CFAP221: variants seen among roughly 807,000 people sequenced by gnomAD.
CFAP221 encodes cilia and flagella associated protein 221, also known as cilia- and flagella-associated protein 221.
A neutral mutation model predicts 113.1 loss-of-function variants in CFAP221; 97 were observed. The ratio of observed to expected loss-of-function variants is 0.86; its 90% CI spans 0.73 to 1.02. The LOEUF is 1.02. Ranked by LOEUF, CFAP221 falls within the 50% of genes least tolerant of loss-of-function variation. The pLI is 0.00. For missense variants in CFAP221, 1,025 were observed against 1,013.4 expected (o/e 1.01, Z -0.16); for synonymous variants, 331 against 354.4 (o/e 0.93, Z 0.74).
chr2:119,556,334 G>T (rs1266265584), intron 3 of CFAP221: 1 of 152,136 alleles, frequency 6.6e-6, no homozygotes, highest in South Asian at 2.1e-4. Flanking sequence ...TTTTCTTCCT[G>T]TTTCTGAGCT....
At chr2:119,557,796 C>T (rs1037660265) in intron 3 of CFAP221, among the ~76,000 whole-genome samples, 3 of 151,906 alleles carry the variant, frequency 2.0e-5, no homozygotes, top group South Asian at 2.1e-4. Context: ...GTCAGGAGTT[C>T]GAGACCAGCC....
At chr2:119,583,839 A>T (rs1683018611) in intron 6 of CFAP221, among the ~76,000 whole-genome samples, 1 of 152,222 alleles carries the variant, frequency 6.6e-6, no homozygotes. Flanking sequence ...TTATGCGAAG[A>T]CACAGTGAAA....
chr2:119,629,839 G>A, intron 16 of CFAP221, 36 bp from the exon 17 acceptor site: 4 of 1,506,882 alleles, frequency 2.7e-6, no homozygotes, highest in Non-Finnish European at 3.7e-6. Context: ...TTGCTCAGTG[G>A]TGATTGTTCT....
At chr2:119,561,471 A>G (rs1321994193) in intron 5 of CFAP221, among the ~76,000 whole-genome samples, 2 of 152,192 alleles carry the variant, frequency 1.3e-5, no homozygotes, top group Non-Finnish European at 2.9e-5. Context: ...TGACATTTTA[A>G]TGCCATCATC....
At position 119,549,266 on chromosome 2, in the gene CFAP221, A is replaced by G. The variant is rs1680262120; in HGVS notation, c.240+81A>G. The G allele has an allele frequency of 2.7e-6, 3 of 1,125,030 alleles. No homozygotes were observed. The Admixed American group carries it at 7.4e-5, about 28-fold the overall frequency. 69.7% of individuals were successfully genotyped at this position (1,125,030 alleles called of 1,614,324 possible). On this transcript the variant is annotated intron_variant, in intron 3 of 23. Coordinates refer to ENST00000413369, the MANE Select transcript of CFAP221 (RefSeq NM_001271049.2). ...CTGAATTTATATTATTCACTTATCT[A>G]AAGCACAGCATAATCAGCCGTAGTG...
chr2:119,599,015 G>A (rs1214658955), intron 7 of CFAP221, among the ~76,000 whole-genome samples: 1 of 152,134 alleles, frequency 6.6e-6, no homozygotes, highest in Non-Finnish European at 1.5e-5. Context: ...TCAAAGTATT[G>A]AAGCCCCACA....
In CFAP221 at chr2:119,646,929, C is replaced by T. The variant is rs370978468; in HGVS notation, c.2226-29C>T. 24 of 1,581,176 alleles carry T rather than the reference C, an allele frequency of 1.5e-5. No homozygotes were observed. The South Asian group carries it at 2.6e-4, about 17-fold the overall frequency. On this transcript the variant is annotated intron_variant, in intron 21 of 23. Coordinates refer to ENST00000413369, the MANE Select transcript of CFAP221 (RefSeq NM_001271049.2). Reference sequence around the variant, plus strand: ...CCCAAGACTTCTAGTGTGACTCTATCTTTGACTGCTTGTGTGGTTTTTCCA... The same window carrying T: ...CCCAAGACTTCTAGTGTGACTCTATTTTTGACTGCTTGTGTGGTTTTTCCA...
At chr2:119,556,522 T>C (rs1046335565) in intron 3 of CFAP221, among the ~76,000 whole-genome samples, 1 of 151,980 alleles carries the variant, frequency 6.6e-6, no homozygotes, top group South Asian at 2.1e-4. Flanking sequence ...TCTAAGAAAA[T>C]CATCTAGTAT....
chr2:119,660,294 G>A (rs1250302642), downstream of CFAP221: 2 of 152,314 alleles, frequency 1.3e-5, no homozygotes, highest in Non-Finnish European at 1.5e-5. Context: ...CCACCAAATC[G>A]ACTTCCAAAT....
At chr2:119,600,150 A>G (rs1188835085) in intron 7 of CFAP221, among the ~76,000 whole-genome samples, 1 of 152,148 alleles carries the variant, frequency 6.6e-6, no homozygotes, top group East Asian at 1.9e-4. Context: ...CTAGTTGGGG[A>G]CAGCAATAAG....
At chr2:119,618,785 C>A (rs1312784887) in intron 14 of CFAP221, among the ~76,000 whole-genome samples, 1 of 152,170 alleles carries the variant, frequency 6.6e-6, no homozygotes, top group East Asian at 1.9e-4. Context: ...GCCAAGTCAT[C>A]TAGCTCGGCG....
chr2:119,658,110 T>C (rs1366943664), downstream of CFAP221, among the ~76,000 whole-genome samples: 1 of 152,228 alleles, frequency 6.6e-6, no homozygotes, highest in Non-Finnish European at 1.5e-5. Context: ...TTAGCATCCA[T>C]TGGTGAGTGG....
chr2:119,552,131 G>A (rs1390216265), intron 3 of CFAP221, among the ~76,000 whole-genome samples: 1 of 144,658 alleles, frequency 6.9e-6, no homozygotes, highest in Non-Finnish European at 1.5e-5. Context: ...ACACTTTTGG[G>A]TCACAACATA....
At position 119,638,287 on chromosome 2, in the gene CFAP221, T is replaced by C. The variant is rs1290089379; in HGVS notation, c.2003T>C (p.Met668Thr). ...CCCAACCCAGGATTATTTGCTGTAA[T>C]GCATCCTCTGACCTATGCAGAAACG... ...FNPNPGLFAVMHPLTYAETLI... is the reference protein window; with the variant it reads ...FNPNPGLFAVTHPLTYAETLI... The change falls in exon 20 of 24, where the codon ATG (methionine) becomes ACG (threonine). Residue 668 changes from methionine to threonine, a missense_variant. Physicochemically the swap from Met to Thr is moderately conservative, Grantham distance 81 (BLOSUM62 -1). Coordinates refer to ENST00000413369, the MANE Select transcript of CFAP221 (RefSeq NM_001271049.2). 3.7e-6 allele frequency: 6 copies of C among 1,614,074 alleles called. No individual in the cohort carries two copies. The highest frequency in any genetic ancestry group is 5.1e-6 in the Non-Finnish European group (6 of 1,179,998).
At chr2:119,614,835 T>C (rs867570597) in intron 13 of CFAP221, among the ~76,000 whole-genome samples, 1 of 152,240 alleles carries the variant, frequency 6.6e-6, no homozygotes, top group Non-Finnish European at 1.5e-5. Flanking sequence ...AGGTTTGCCA[T>C]ATCTGAATTA....
At position 119,630,599 on chromosome 2, in the gene CFAP221, T is replaced by C. The variant is rs764783548; in HGVS notation, c.1761T>C (p.Tyr587=). The C allele has an allele frequency of 1.2e-6, 2 of 1,613,426 alleles. No individual in the cohort carries two copies. The highest frequency in any genetic ancestry group is 1.7e-6 in the Non-Finnish European group (2 of 1,179,322). Residue 587 remains tyrosine (Y), a synonymous_variant, in exon 18 of 24, where the codon TAT becomes TAC. Transcript: ENST00000413369. ...QVPQLYKIKR[Y]QPFSVHKSST... The stretch of plus-strand genomic sequence containing the variant: ...CTCAACTGTACAAAATTAAGAGATA[T>C]CAGCCATTCTCTGTCCACAAGTCTT...
chr2:119,597,356 G>T (rs1684053789), intron 7 of CFAP221, among the ~76,000 whole-genome samples: 1 of 152,146 alleles, frequency 6.6e-6, no homozygotes, highest in Admixed American at 6.5e-5. Flanking sequence ...CAGAGGCTGG[G>T]GAGTGTTGCC....
chr2:119,650,241 T>C (rs931030391), intron 22 of CFAP221, among the ~76,000 whole-genome samples: 1 of 152,262 alleles, frequency 6.6e-6, no homozygotes, highest in African/African-American at 2.4e-5. Flanking sequence ...ACCCTAAATA[T>C]GTGAGGCAAA....
intron 22 of CFAP221, among the ~76,000 whole-genome samples, chr2:119,647,441 C>T (rs1687879407): frequency 6.6e-6 from 1 of 152,168 alleles, no homozygotes; most frequent in African/African-American, 2.4e-5. Context: ...GATCAGCACG[C>T]AACAGCCAGT....
Sources: allele counts gnomAD v4.1 joint callset (sites outside exome capture counted in the v4.1 genomes callset), GRCh38; gene constraint gnomAD v4.1.1; transcripts MANE v1.5; gene names NCBI Gene and HGNC (gene_info 2026-07-23, HGNC 2026-07-21).